Variants in NEGR1 observed in about 807,000 individuals in gnomAD.
The protein encoded by NEGR1 is neuronal growth regulator 1.
A neutral mutation model predicts 40.9 loss-of-function variants in NEGR1; 10 were observed. That is an observed-to-expected ratio of 0.24 (90% CI 0.15 to 0.42). The LOEUF (loss-of-function observed/expected upper bound fraction) is 0.42, where lower values mean the gene tolerates loss of function less well. Ranked by LOEUF, NEGR1 falls within the 10% of genes least tolerant of loss-of-function variation. The pLI, the probability that NEGR1 is intolerant of heterozygous loss-of-function variation, is 1.00. For synonymous variants in NEGR1, 185 were observed against 166.8 expected (o/e 1.11, Z -0.84); for missense variants, 352 against 438.9 (o/e 0.80, Z 1.77).
intron 2 of NEGR1, among the ~76,000 whole-genome samples, chr1:71,875,638 G>T (rs1043906325): frequency 6.6e-6 from 1 of 152,142 alleles, no homozygotes; most frequent in Non-Finnish European, 1.5e-5. Flanking sequence ...TTTCAGCCAG[G>T]CATCCCTGTG....
intron 1 of NEGR1, among the ~76,000 whole-genome samples, chr1:72,048,399 C>T (rs567219882): frequency 5.9e-5 from 9 of 151,716 alleles, no homozygotes; most frequent in Admixed American, 1.3e-4. Context: ...AGAAACAAAT[C>T]GTATCCCTTC....
Position 71,727,216 on chromosome 1 carries a change from G to A in NEGR1, c.536-29077C>T, listed in dbSNP as rs187543079. Among the ~76,000 whole-genome samples the A allele has an allele frequency of 2.1e-3, 317 of 152,046 alleles. 1 individual carries two copies. The highest frequency in any genetic ancestry group is 7.3e-3 in the African/African-American group (301 of 41,494). On this transcript the variant is annotated intron_variant, in intron 3 of 6. Coordinates refer to ENST00000357731, the MANE Select transcript of NEGR1 (RefSeq NM_173808.3). ...CTACTTCCTTTCAGTTTCCTATCTG[G>A]ATGCTCTTCTATTTCTTATAATTTA...
At chr1:71,655,941 G>A (rs1651860569) in intron 4 of NEGR1, among the ~76,000 whole-genome samples, 1 of 152,100 alleles carries the variant, frequency 6.6e-6, no homozygotes, top group Non-Finnish European at 1.5e-5. Context: ...ATTGTTATTA[G>A]CCAGATTCAC....
chr1:72,088,578 C>A (rs1648317957), intron 1 of NEGR1, among the ~76,000 whole-genome samples: 1 of 151,784 alleles, frequency 6.6e-6, no homozygotes, highest in African/African-American at 2.4e-5. Flanking sequence ...AATAGGAGTT[C>A]AAATAGGAGT....
At chr1:72,209,151 T>A (rs567745520) in intron 1 of NEGR1, among the ~76,000 whole-genome samples, 16 of 151,776 alleles carry the variant, frequency 1.1e-4, no homozygotes, top group African/African-American at 3.9e-4. Context: ...ATTAAACTCT[T>A]TTAATTTTAC....
At chr1:71,849,621 A>G (rs531976228) in intron 2 of NEGR1, among the ~76,000 whole-genome samples, 3 of 152,282 alleles carry the variant, frequency 2.0e-5, no homozygotes, top group Non-Finnish European at 2.9e-5. Flanking sequence ...AATGCTATCA[A>G]ATAGCATTGA....
At chr1:71,861,697 A>G (rs1659952379) in intron 2 of NEGR1, among the ~76,000 whole-genome samples, 1 of 152,222 alleles carries the variant, frequency 6.6e-6, no homozygotes. Context: ...AATGAAATTA[A>G]TTTTGGATTA....
chr1:71,592,566 A>AT (rs1467155673), intron 6 of NEGR1, among the ~76,000 whole-genome samples: 5 of 152,116 alleles, frequency 3.3e-5, no homozygotes, highest in East Asian at 1.9e-4. Flanking sequence ...TTATTTATGT[A>AT]TTTTTTCCTT....
intron 1 of NEGR1, among the ~76,000 whole-genome samples, chr1:72,222,490 A>C (rs1357142216): frequency 3.9e-5 from 6 of 152,204 alleles, no homozygotes; most frequent in Non-Finnish European, 8.8e-5. Flanking sequence ...TCATTGAAGA[A>C]ATAAAATAAA....
intron 4 of NEGR1, among the ~76,000 whole-genome samples, chr1:71,696,449 G>A (rs1653476669): frequency 6.6e-6 from 1 of 151,626 alleles, no homozygotes. Flanking sequence ...GGATTGCTGG[G>A]CTGGGTGCCT....
intron 1 of NEGR1, among the ~76,000 whole-genome samples, chr1:72,280,131 C>G (rs1656193071): frequency 6.6e-6 from 1 of 152,088 alleles, no homozygotes; most frequent in South Asian, 2.1e-4. Flanking sequence ...GGATGAGGTA[C>G]AGAGCACACA....
chr1:71,503,397 C>A (rs774424506), intron 6 of NEGR1, among the ~76,000 whole-genome samples: 1 of 152,170 alleles, frequency 6.6e-6, no homozygotes, highest in Non-Finnish European at 1.5e-5. Context: ...CCTGAGACCC[C>A]CTACAATGCT....
intron 3 of NEGR1, among the ~76,000 whole-genome samples, chr1:71,775,943 G>A (rs1364600369): frequency 1.3e-5 from 2 of 151,334 alleles, no homozygotes; most frequent in South Asian, 2.1e-4. Context: ...CAGTGAGACC[G>A]GTTCGCGCCA....
intron 6 of NEGR1, among the ~76,000 whole-genome samples, chr1:71,558,524 G>T (rs1471137399): frequency 6.6e-6 from 1 of 151,234 alleles, no homozygotes; most frequent in African/African-American, 2.4e-5. Context: ...ATTCATATAT[G>T]TATTCAATAA....
intron 1 of NEGR1, among the ~76,000 whole-genome samples, chr1:72,096,171 T>C (rs1490333080): frequency 2.0e-5 from 3 of 152,088 alleles, no homozygotes; most frequent in Non-Finnish European, 4.4e-5. Flanking sequence ...TAACTAGAAG[T>C]GGTGTTTGAT....
chr1:72,140,665 T>G (rs562226955), intron 1 of NEGR1, among the ~76,000 whole-genome samples: 2 of 152,038 alleles, frequency 1.3e-5, no homozygotes, highest in Admixed American at 6.6e-5. Flanking sequence ...TTTTCTTTAG[T>G]CAGTTGTTTT....
chr1:71,929,888 A>T (rs1424620797), intron 2 of NEGR1, among the ~76,000 whole-genome samples: 1 of 152,014 alleles, frequency 6.6e-6, no homozygotes, highest in Admixed American at 6.6e-5. Flanking sequence ...AAGGATGTTA[A>T]CATTAGGCAA....
intron 6 of NEGR1, among the ~76,000 whole-genome samples, chr1:71,505,063 T>C (rs757443989): frequency 5.9e-5 from 9 of 152,116 alleles, no homozygotes; most frequent in Admixed American, 5.2e-4. Context: ...AAAAACGATA[T>C]TGCATTTCTA....
chr1:71,751,808 A>G (rs1182855669), intron 3 of NEGR1, among the ~76,000 whole-genome samples: 2 of 152,206 alleles, frequency 1.3e-5, no homozygotes, highest in Non-Finnish European at 2.9e-5. Flanking sequence ...TTCTCCATCA[A>G]TAGAAAAATG....
Sources: allele counts gnomAD v4.1 joint callset (sites outside exome capture counted in the v4.1 genomes callset), GRCh38; gene constraint gnomAD v4.1.1; transcripts MANE v1.5; gene names NCBI Gene and HGNC (gene_info 2026-07-23, HGNC 2026-07-21).